Variants in RPL22 observed in about 807,000 individuals in gnomAD.
RPL22 encodes the protein large ribosomal subunit protein eL22.
A neutral mutation model predicts 16.2 loss-of-function variants in RPL22; 4 were observed. The observed-to-expected ratio is 0.25, with a 90% CI of 0.12 to 0.57. RPL22 has a LOEUF of 0.57. RPL22 is among the 20% of genes least tolerant of loss of function. RPL22 has a pLI of 0.92. For synonymous variants in RPL22, 43 were observed against 54.8 expected (o/e 0.78, Z 0.95); for missense variants, 83 against 156.1 (o/e 0.53, Z 2.49).
chr1:6,193,843 G>C (rs556724561), intron 2 of RPL22, among the ~76,000 whole-genome samples: 1 of 152,188 alleles, frequency 6.6e-6, no homozygotes, highest in Non-Finnish European at 1.5e-5. Context: ...CAGTGTAAAC[G>C]TACTTGACTA....
chr1:6,197,557 A>G (rs938158731), intron 2 of RPL22, 95 bp downstream of exon 2: 3 of 771,422 alleles, frequency 3.9e-6, no homozygotes, highest in East Asian at 2.7e-5. Flanking sequence ...GAAGCTGCCT[A>G]TAAGCCTGAA....
intron 3 of RPL22, among the ~76,000 whole-genome samples, chr1:6,190,325 A>G (rs911413489): frequency 1.3e-5 from 2 of 152,154 alleles, no homozygotes; most frequent in African/African-American, 2.4e-5. Context: ...ACTACAACCA[A>G]TTTGTACTAA....
chr1:6,187,528 C>A (rs1348530354), intron 3 of RPL22, among the ~76,000 whole-genome samples: 1 of 150,282 alleles, frequency 6.7e-6, no homozygotes, highest in Admixed American at 6.7e-5. Flanking sequence ...GTAAGAGAAT[C>A]GCTTGAACCC....
chr1:6,198,115 A>C, intron 1 of RPL22: 1 of 225,974 alleles, frequency 4.4e-6, no homozygotes, highest in Non-Finnish European at 8.8e-6. Flanking sequence ...AACATTCCCA[A>C]TTTCAAAAAA....
At chr1:6,195,441 C>G (rs1036020271) in intron 2 of RPL22, among the ~76,000 whole-genome samples, 26 of 144,706 alleles carry the variant, frequency 1.8e-4, no homozygotes, top group Non-Finnish European at 1.7e-4. Context: ...AGCAAGACTC[C>G]GTCTCAAAAA....
chr1:6,199,169 G>T (rs1365067643), intron 1 of RPL22: 2 of 222,042 alleles, frequency 9.0e-6, no homozygotes, highest in Non-Finnish European at 1.8e-5. Context: ...CCCGAGTCTT[G>T]GCCGTGGACT....
Position 6,186,525 on chromosome 1 carries a change from A to C in RPL22, c.*147T>G. On this transcript the variant is annotated 3_prime_UTR_variant, in exon 4 of 4. Transcript: ENST00000234875. ...AAAAAAAAGAAGTCAAGTTACAAAT[A>C]AATGAGTGGCGAACCAAGGGAAGCC... The C allele has an allele frequency of 1.8e-6, 1 of 554,718 alleles. No homozygotes were observed. The highest frequency in any genetic ancestry group is 3.1e-6 in the Non-Finnish European group (1 of 325,340). 34.4% of individuals were successfully genotyped at this position (554,718 alleles called of 1,614,324 possible). A position where few individuals can be genotyped will look rare whatever the true frequency, so the allele number is the denominator to read the frequency against.
At chr1:6,193,390 T>C (rs1667676964) in intron 2 of RPL22, among the ~76,000 whole-genome samples, 1 of 151,522 alleles carries the variant, frequency 6.6e-6, no homozygotes, top group Admixed American at 6.6e-5. Flanking sequence ...AATGGCGCGA[T>C]CTCGGCTCAC....
intron 2 of RPL22, among the ~76,000 whole-genome samples, chr1:6,196,710 G>A (rs1025179356): frequency 3.9e-5 from 6 of 151,900 alleles, no homozygotes; most frequent in Admixed American, 1.3e-4. Flanking sequence ...TTTCTAGATT[G>A]CAATAGGATA....
intron 3 of RPL22, among the ~76,000 whole-genome samples, chr1:6,188,488 G>A (rs1041741237): frequency 1.3e-5 from 2 of 151,614 alleles, no homozygotes; most frequent in Non-Finnish European, 2.9e-5. Flanking sequence ...CTAGGAGTTC[G>A]AGACCAGCCT....
In RPL22 at chr1:6,185,495, T is replaced by C. The variant is rs529672613; in HGVS notation, c.*1177A>G. ...CTCAATCCACAGAGCACCAAATGTT[T>C]AATGGGAGCCAAGGTAGGACTGAGC... On this transcript the variant is annotated 3_prime_UTR_variant, in exon 4 of 4. Transcript: ENST00000234875. 1.0e-5 allele frequency: 4 copies of C among 397,404 alleles called. No individual in the cohort carries two copies. Among genetic ancestry groups the C allele is most frequent in the Admixed American group, 8.8e-5 (2 of 22,694 alleles). The allele number at this position is 397,404 out of a possible 1,614,324, so 24.6% of individuals were successfully genotyped here. A position where few individuals can be genotyped will look rare whatever the true frequency, so the allele number is the denominator to read the frequency against.
chr1:6,188,625 C>T (rs1213600604), intron 3 of RPL22, among the ~76,000 whole-genome samples: 1 of 151,878 alleles, frequency 6.6e-6, no homozygotes, highest in Non-Finnish European at 1.5e-5. Context: ...GAGGCTATTC[C>T]GAATCTTCCC....
chr1:6,198,571 C>T (rs908340036), intron 1 of RPL22: 1 of 152,198 alleles, frequency 6.6e-6, no homozygotes, highest in African/African-American at 2.4e-5. Flanking sequence ...CTCTGCAGAA[C>T]TAAATAGACT....
intron 2 of RPL22, 26 bp downstream of exon 2, chr1:6,197,626 C>G (rs766418714): frequency 6.8e-7 from 1 of 1,481,024 alleles, no homozygotes; most frequent in Non-Finnish European, 9.4e-7. Context: ...CGTGACCACC[C>G]GAGTGGCAAT....
Position 6,186,354 on chromosome 1 carries a change from C to T in RPL22, c.*318G>A. 2 of 292,748 alleles carry T rather than the reference C, an allele frequency of 6.8e-6. No individual in the cohort carries two copies. The highest frequency in any genetic ancestry group is 1.3e-5 in the Non-Finnish European group (2 of 156,816). 18.1% of individuals were successfully genotyped at this position (292,748 alleles called of 1,614,324 possible). ...TGAGAAAAGCAACAGATACAACTGA[C>T]AGTCACACTTTTTAAAATCAAACAG... On this transcript the variant is annotated 3_prime_UTR_variant, in exon 4 of 4. Coordinates refer to ENST00000234875, the MANE Select transcript of RPL22 (RefSeq NM_000983.4).
intron 3 of RPL22, among the ~76,000 whole-genome samples, chr1:6,189,039 G>A (rs1667616454): frequency 6.6e-6 from 1 of 152,168 alleles, no homozygotes; most frequent in South Asian, 2.1e-4. Flanking sequence ...ACCCGTCTGG[G>A]CCTCCCAAAG....
chr1:6,192,043 G>T lies in RPL22; in HGVS notation c.242+887C>A, dbSNP rs564075787. Among the ~76,000 whole-genome samples, 43 of 151,608 alleles carry T rather than the reference G, an allele frequency of 2.8e-4. No homozygotes were observed. In the South Asian group the frequency reaches 8.4e-3, roughly 29 times the overall value. On this transcript the variant is annotated intron_variant, in intron 3 of 3. Transcript: ENST00000234875. Reference sequence around the variant, plus strand: ...AAGCTCTTACTGTGATCTAGAGACAGGAGGCAATTTTTTTTTTTTTAATTG... The same window carrying T: ...AAGCTCTTACTGTGATCTAGAGACATGAGGCAATTTTTTTTTTTTTAATTG...
intron 3 of RPL22, among the ~76,000 whole-genome samples, chr1:6,188,558 AAG>A (rs1667610296): frequency 6.6e-6 from 1 of 151,896 alleles, no homozygotes. Flanking sequence ...AAAAAAAAAA[AAG>A]ATGAAGTGCA....
chr1:6,185,197 T>C lies in RPL22; in HGVS notation c.*1475A>G, dbSNP rs190723276. The C allele has an allele frequency of 7.5e-6, 3 of 397,390 alleles. No homozygotes were observed. The highest frequency in any genetic ancestry group is 4.1e-5 in the African/African-American group (2 of 48,598). The allele number at this position is 397,390 out of a possible 1,614,324, so 24.6% of individuals were successfully genotyped here. On this transcript the variant is annotated 3_prime_UTR_variant, in exon 4 of 4. Coordinates refer to ENST00000234875, the MANE Select transcript of RPL22 (RefSeq NM_000983.4). Reference sequence around the variant, plus strand: ...AATGCCAACTTCAGCCCAGGGTTTTTTCACAACCAAACTAAAAATGACTTA... The same window carrying C: ...AATGCCAACTTCAGCCCAGGGTTTTCTCACAACCAAACTAAAAATGACTTA...
Sources: allele counts gnomAD v4.1 joint callset (sites outside exome capture counted in the v4.1 genomes callset), GRCh38; gene constraint gnomAD v4.1.1; transcripts MANE v1.5; gene names NCBI Gene and HGNC (gene_info 2026-07-23, HGNC 2026-07-21).